Variants in CDH13 observed in about 807,000 individuals in gnomAD.
CDH13 encodes cadherin 13, also known as cadherin-13.
In CDH13, 24 loss-of-function variants were observed where a neutral mutation model predicts 63.8. The ratio of observed to expected loss-of-function variants is 0.38; its 90% confidence interval spans 0.27 to 0.53. The LOEUF is 0.53. Among genes scored for constraint, CDH13 ranks in the 20% least tolerant of loss-of-function variants. The probability of loss-of-function intolerance (pLI) is 0.85; values close to 1 mark genes in which losing one functional copy is unlikely to be tolerated. For missense variants in CDH13, 1,049 were observed against 903.1 expected (o/e 1.16, Z -2.07); for synonymous variants, 503 against 355.3 (o/e 1.42, Z -4.67).
intron 5 of CDH13, among the ~76,000 whole-genome samples, chr16:83,305,806 G>A (rs569028398): frequency 2.0e-5 from 3 of 152,270 alleles, no homozygotes; most frequent in Admixed American, 6.5e-5. Flanking sequence ...AAGCTACCTA[G>A]TAGGAGGCCA....
intron 4 of CDH13, among the ~76,000 whole-genome samples, chr16:83,206,576 G>A (rs1222581301): frequency 6.6e-6 from 1 of 152,232 alleles, no homozygotes; most frequent in Non-Finnish European, 1.5e-5. Flanking sequence ...GATGACAAAT[G>A]TTTGAGGAAT....
At chr16:83,398,171 C>T (rs1345868149) in intron 6 of CDH13, 2 of 132,476 alleles carry the variant, frequency 1.5e-5, no homozygotes, top group Non-Finnish European at 3.3e-5. Context: ...TATTAATTTC[C>T]TAGGGCTGCC....
At chr16:82,860,692 C>T (rs1052032055) in intron 2 of CDH13, among the ~76,000 whole-genome samples, 3 of 151,674 alleles carry the variant, frequency 2.0e-5, no homozygotes, top group African/African-American at 7.3e-5. Flanking sequence ...TCAAGTTCAT[C>T]TCAAAGCAAT....
At chr16:83,092,320 C>T (rs2033955195) in intron 3 of CDH13, among the ~76,000 whole-genome samples, 1 of 152,206 alleles carries the variant, frequency 6.6e-6, no homozygotes, top group Admixed American at 6.5e-5. Context: ...TTTGTATAAC[C>T]TTTGTCTTCC....
At chr16:83,713,945 C>G (rs1908481933) in intron 10 of CDH13, among the ~76,000 whole-genome samples, 1 of 152,170 alleles carries the variant, frequency 6.6e-6, no homozygotes, top group Non-Finnish European at 1.5e-5. Flanking sequence ...CTACAGCTCC[C>G]CAGCTCTGCA....
chr16:83,607,953 T>C (rs527337182), intron 8 of CDH13, among the ~76,000 whole-genome samples: 1 of 152,314 alleles, frequency 6.6e-6, no homozygotes, highest in African/African-American at 2.4e-5. Flanking sequence ...TAGAACATGG[T>C]TGATGCCCAA....
chr16:83,358,933 G>T (rs1370250756), intron 6 of CDH13, among the ~76,000 whole-genome samples: 1 of 152,160 alleles, frequency 6.6e-6, no homozygotes, highest in Non-Finnish European at 1.5e-5. Context: ...TCAGATCACA[G>T]TCTAGTACTA....
At chr16:83,179,889 A>C (rs1012857432) in intron 4 of CDH13, among the ~76,000 whole-genome samples, 4 of 145,588 alleles carry the variant, frequency 2.7e-5, no homozygotes, top group African/African-American at 1.1e-4. Flanking sequence ...AAATAGGTTA[A>C]GTTTTTTTTT....
At chr16:82,788,126 C>T (rs1281376245) in intron 1 of CDH13, among the ~76,000 whole-genome samples, 1 of 152,056 alleles carries the variant, frequency 6.6e-6, no homozygotes, top group African/African-American at 2.4e-5. Context: ...AAATGTGTGT[C>T]CAAGAAACTA....
chr16:82,845,987 C>T (rs1303375365), intron 1 of CDH13, among the ~76,000 whole-genome samples: 2 of 152,186 alleles, frequency 1.3e-5, no homozygotes, highest in Non-Finnish European at 2.9e-5. Flanking sequence ...ATTGTGATTT[C>T]ACTGAGTGAA....
chr16:82,865,738 G>T (rs937256438), intron 2 of CDH13, among the ~76,000 whole-genome samples: 1 of 152,188 alleles, frequency 6.6e-6, no homozygotes, highest in South Asian at 2.1e-4. Flanking sequence ...TTGACTTGGC[G>T]ATTAACATTT....
intron 1 of CDH13, among the ~76,000 whole-genome samples, chr16:82,851,543 G>T (rs2039486702): frequency 6.6e-6 from 1 of 152,058 alleles, no homozygotes; most frequent in Non-Finnish European, 1.5e-5. Flanking sequence ...AAAACCATTT[G>T]TAAGTGTCTG....
intron 7 of CDH13, among the ~76,000 whole-genome samples, chr16:83,589,472 C>T (rs1906524072): frequency 6.6e-6 from 1 of 151,596 alleles, no homozygotes; most frequent in Non-Finnish European, 1.5e-5. Flanking sequence ...TCACATTGGG[C>T]CCATTCAGTT....
chr16:82,826,943 G>C (rs1330291099), intron 1 of CDH13, among the ~76,000 whole-genome samples: 1 of 152,186 alleles, frequency 6.6e-6, no homozygotes, highest in Non-Finnish European at 1.5e-5. Flanking sequence ...AAGGTACTAA[G>C]AATGCACAAT....
chr16:83,797,932 G>A lies in CDH13; in HGVS notation c.*2902G>A, dbSNP rs1381604508. ...CACACATTTTCTAATTTCAATAAAA[G>A]TCACCTTCAATACCGCCAGTTCTCT... On this transcript the variant is annotated 3_prime_UTR_variant, in exon 14 of 14. Transcript: ENST00000567109. 1 of 152,124 alleles carries A rather than the reference G, an allele frequency of 6.6e-6. No homozygotes were observed. The highest frequency in any genetic ancestry group is 6.5e-5 in the Admixed American group (1 of 15,278). 9.4% of individuals were successfully genotyped at this position (152,124 alleles called of 1,614,324 possible).
At chr16:82,680,058 A>G (rs1914375587) in intron 1 of CDH13, among the ~76,000 whole-genome samples, 2 of 152,232 alleles carry the variant, frequency 1.3e-5, no homozygotes, top group Admixed American at 6.5e-5. Flanking sequence ...GCTTGTCCCT[A>G]TCCACTCTCA....
chr16:83,546,935 T>A (rs1469164247), intron 7 of CDH13, among the ~76,000 whole-genome samples: 3 of 152,146 alleles, frequency 2.0e-5, no homozygotes, highest in Non-Finnish European at 4.4e-5. Context: ...AATGAATGAA[T>A]GAAGGCACAA....
chr16:83,418,678 T>A (rs2071623928), intron 6 of CDH13, among the ~76,000 whole-genome samples: 1 of 150,372 alleles, frequency 6.7e-6, no homozygotes, highest in Non-Finnish European at 1.5e-5. Flanking sequence ...CTGCTGGGAA[T>A]TAGTTTTAGC....
chr16:82,778,270 G>C (rs565461455), intron 1 of CDH13, among the ~76,000 whole-genome samples: 1 of 152,076 alleles, frequency 6.6e-6, no homozygotes, highest in Non-Finnish European at 1.5e-5. Flanking sequence ...TGATAAGGAC[G>C]TTCCAGTTTG....
Sources: gnomAD v4.1 joint callset for allele counts (sites outside exome capture counted in the v4.1 genomes callset) on GRCh38, gnomAD v4.1.1 for gene constraint, MANE v1.5 for transcripts, NCBI Gene and HGNC (gene_info 2026-07-23, HGNC 2026-07-21) for gene names.